The following ZNF383 variants were observed in gnomAD, a reference collection of about 807,000 sequenced individuals.
ZNF383 encodes the protein zinc finger protein 383.
A neutral mutation model predicts 44.2 loss-of-function variants in ZNF383; 32 were observed. The ratio of observed to expected loss-of-function variants is 0.72; its 90% confidence interval spans 0.55 to 0.97. The LOEUF is 0.97. Among genes scored for constraint, ZNF383 ranks in the 50% least tolerant of loss-of-function variants. The pLI is 0.00. For synonymous variants in ZNF383, 155 were observed against 186.2 expected (o/e 0.83, Z 1.36); for missense variants, 487 against 562.5 (o/e 0.87, Z 1.36).
intron 2 of ZNF383, chr19:37,227,785 T>C (rs1335326713): frequency 2.6e-5 from 4 of 152,448 alleles, no homozygotes; most frequent in South Asian, 4.1e-4. Flanking sequence ...CAGGGGGCCC[T>C]TCCCTATTTG....
At chr19:37,232,822 AT>A (rs1388607404) in intron 3 of ZNF383, among the ~76,000 whole-genome samples, 7 of 152,256 alleles carry the variant, frequency 4.6e-5, no homozygotes, top group Non-Finnish European at 8.8e-5. Context: ...ATGTTTTAAA[AT>A]AGTGTTGTGA....
At chr19:37,236,312 C>T (rs931404588) in intron 5 of ZNF383, among the ~76,000 whole-genome samples, 1 of 151,854 alleles carries the variant, frequency 6.6e-6, no homozygotes, top group Non-Finnish European at 1.5e-5. Context: ...CAGAAGGTAC[C>T]TTTTACTTCT....
At position 37,223,730 on chromosome 19, in the gene ZNF383, A is replaced by G. The variant is rs945652725; in HGVS notation, c.-167-1088A>G. ...GGAAAATATATAGCTGTAAATGCAT[A>G]TGTTAGAAAAAAATGAATGTTGGCC... is the stretch of plus-strand genomic sequence containing the variant. On this transcript the variant is annotated intron_variant, in intron 1 of 5. Transcript: ENST00000684119. Among the ~76,000 whole-genome samples, 7 of 152,114 alleles carry G rather than the reference A, an allele frequency of 4.6e-5. No individual in the cohort carries two copies. The East Asian group carries it at 1.2e-3, about 25-fold the overall frequency.
intron 2 of ZNF383, chr19:37,226,402 A>T (rs760382545): frequency 6.6e-6 from 1 of 152,154 alleles, no homozygotes; most frequent in Non-Finnish European, 1.5e-5. Flanking sequence ...TTACACATCC[A>T]GGGGTTTGGA....
chr19:37,223,988 C>T (rs1034086770), intron 1 of ZNF383, among the ~76,000 whole-genome samples: 2 of 151,710 alleles, frequency 1.3e-5, no homozygotes, highest in Non-Finnish European at 2.9e-5. Flanking sequence ...GAGCCAAGAT[C>T]GCGCCACTGC....
intron 1 of ZNF383, among the ~76,000 whole-genome samples, chr19:37,222,286 TCATC>T (rs1377927042): frequency 1.3e-5 from 2 of 152,194 alleles, no homozygotes; most frequent in African/African-American, 2.4e-5. Flanking sequence ...TATATAAAAT[TCATC>T]CATGTTGCTG....
chr19:37,236,695 G>C (rs554087664), intron 5 of ZNF383, among the ~76,000 whole-genome samples: 116 of 151,554 alleles, frequency 7.7e-4, no homozygotes, highest in Middle Eastern at 3.4e-3. Context: ...TCAGCCTCCT[G>C]AGTAGCTGGG....
At chr19:37,233,353 G>T (rs1050469021) in intron 3 of ZNF383, among the ~76,000 whole-genome samples, 5 of 151,656 alleles carry the variant, frequency 3.3e-5, no homozygotes, top group African/African-American at 4.9e-5. Context: ...GGATGGTCTT[G>T]ATCTCCTGAC....
intron 1 of ZNF383, among the ~76,000 whole-genome samples, chr19:37,220,224 C>G (rs1212076269): frequency 6.6e-6 from 1 of 151,942 alleles, no homozygotes; most frequent in African/African-American, 2.4e-5. Flanking sequence ...ATTTGGTTTT[C>G]TTTTCTTTTC....
rs1974171037 is a variant in ZNF383, at chr19:37,242,579, T to C, written c.343T>C (p.Ser115Pro). ...ACTTACAAAGCATGGCCTTGAGTAC[T>C]CCAGTTTTGGAGATGTTTTGGAATA... ...MGLTKHGLEYSSFGDVLEYRS... is the reference protein window; with the variant it reads ...MGLTKHGLEYPSFGDVLEYRS... The change falls in exon 6 of 6, where the codon TCC becomes CCC. Residue 115 changes from serine to proline, a missense_variant. Ser to Pro is a moderately conservative substitution (Grantham distance 74). Coordinates refer to ENST00000684119, the MANE Select transcript of ZNF383 (RefSeq NM_001387601.1). The C allele has an allele frequency of 3.1e-6, 5 of 1,614,000 alleles. No homozygotes were observed. Among genetic ancestry groups the C allele is most frequent in the Non-Finnish European group, 4.2e-6 (5 of 1,179,908 alleles).
chr19:37,225,022 C>G (rs1329047473), intron 2 of ZNF383, 83 bp downstream of exon 2: 4 of 152,214 alleles, frequency 2.6e-5, no homozygotes, highest in Non-Finnish European at 5.9e-5. Flanking sequence ...GTCTTGAACT[C>G]TTGACCTCGT....
chr19:37,221,771 C>T (rs1972927404), intron 1 of ZNF383, among the ~76,000 whole-genome samples: 2 of 143,128 alleles, frequency 1.4e-5, no homozygotes, highest in African/African-American at 5.3e-5. Context: ...GGTGAAACCC[C>T]GTCTCTACTT....
chr19:37,218,638 G>C (rs1390625696), intron 1 of ZNF383, among the ~76,000 whole-genome samples: 1 of 152,110 alleles, frequency 6.6e-6, no homozygotes, highest in Non-Finnish European at 1.5e-5. Flanking sequence ...GTTAGTCTGA[G>C]GGGTGTGTGT....
intron 2 of ZNF383, among the ~76,000 whole-genome samples, chr19:37,225,957 C>CA (rs369718730): frequency 7.2e-6 from 1 of 138,084 alleles, no homozygotes; most frequent in African/African-American, 2.7e-5. Flanking sequence ...GTCTAACTAA[C>CA]TTTTTTTTTT....
chr19:37,242,602 A>G lies in ZNF383; in HGVS notation c.366A>G (p.Glu122=), dbSNP rs1412168015. 1 of 1,614,104 alleles carries G rather than the reference A, an allele frequency of 6.2e-7. No homozygotes were observed. The highest frequency in any genetic ancestry group is 1.7e-5 in the Admixed American group (1 of 60,014). Residue 122 remains glutamate (E), a synonymous_variant, in exon 6 of 6, where the codon GAA becomes GAG. Transcript: ENST00000684119. ...ACTCCAGTTTTGGAGATGTTTTGGA[A>G]TATAGAAGCCACCTTGCAAAACAAC... ...LEYSSFGDVL[E]YRSHLAKQLG...
Position 37,247,486 on chromosome 19 carries a change from C to G in ZNF383, c.*3822C>G, listed in dbSNP as rs1568537026. 1 of 152,038 alleles carries G rather than the reference C, an allele frequency of 6.6e-6. No homozygotes were observed. Among genetic ancestry groups the G allele is most frequent in the Non-Finnish European group, 1.5e-5 (1 of 68,026 alleles). The allele number at this position is 152,038 out of a possible 1,614,324, so 9.4% of individuals were successfully genotyped here. A position where few individuals can be genotyped will look rare whatever the true frequency, so the allele number is the denominator to read the frequency against. On this transcript the variant is annotated 3_prime_UTR_variant, in exon 6 of 6. Transcript: ENST00000684119. ...ATATACTACAGGTCACTCAACTATA[C>G]ACTTTAAAAGGGTGAATATTATGCT...
chr19:37,236,966 C>CACACACAT (rs1254057170), intron 5 of ZNF383, among the ~76,000 whole-genome samples: 1 of 96,640 alleles, frequency 1.0e-5, no homozygotes, highest in Non-Finnish European at 2.5e-5. Flanking sequence ...CACACACACA[C>CACACACAT]ACACACACAC....
intron 3 of ZNF383, among the ~76,000 whole-genome samples, chr19:37,233,726 C>A (rs1489181267): frequency 6.6e-6 from 1 of 152,004 alleles, no homozygotes; most frequent in East Asian, 1.9e-4. Flanking sequence ...CCACACCGGG[C>A]CTGGGATTTG....
chr19:37,231,196 T>C (rs1973468541), intron 3 of ZNF383, among the ~76,000 whole-genome samples: 1 of 152,232 alleles, frequency 6.6e-6, no homozygotes, highest in Non-Finnish European at 1.5e-5. Context: ...ATATCTGTAT[T>C]GTAGAAAATT....
Sources: allele counts gnomAD v4.1 joint callset (sites outside exome capture counted in the v4.1 genomes callset), GRCh38; gene constraint gnomAD v4.1.1; transcripts MANE v1.5; gene names NCBI Gene and HGNC (gene_info 2026-07-23, HGNC 2026-07-21).